EML1: variants seen among roughly 807,000 people sequenced by gnomAD.
EML1 encodes EMAP like 1, also known as echinoderm microtubule-associated protein-like 1.
Under a neutral mutation model 110.4 loss-of-function variants are expected in EML1, and 27 were observed. The observed-to-expected ratio is 0.24, with a 90% confidence interval of 0.18 to 0.34. The LOEUF (loss-of-function observed/expected upper bound fraction) is 0.34, where lower values mean the gene tolerates loss of function less well. Among genes scored for constraint, EML1 ranks in the 10% least tolerant of loss-of-function variants. The pLI is 1.00. For synonymous variants in EML1, 344 were observed against 385.8 expected, an observed-to-expected ratio of 0.89 and a Z score of 1.27; for missense variants, 741 against 1,030.9, an observed-to-expected ratio of 0.72 and a Z score of 3.85.
intron 8 of EML1, 40 bp from the exon 9 acceptor site, chr14:99,900,889 A>G: frequency 6.6e-7 from 1 of 1,526,682 alleles, no homozygotes; most frequent in Non-Finnish European, 9.1e-7. Flanking sequence ...CATGTGTATC[A>G]CCATCACAAT....
intron 3 of EML1, among the ~76,000 whole-genome samples, chr14:99,876,971 G>T (rs905144770): frequency 1.3e-5 from 2 of 152,202 alleles, no homozygotes; most frequent in African/African-American, 4.8e-5. Flanking sequence ...TAATGATGTA[G>T]ATTTTTAAGT....
At chr14:99,915,366 C>T in intron 15 of EML1, 1 of 144,902 alleles carries the variant, frequency 6.9e-6, no homozygotes, top group East Asian at 2.0e-4. Flanking sequence ...GAGCCAAGAT[C>T]ACGCCATTGC....
intron 1 of EML1, among the ~76,000 whole-genome samples, chr14:99,786,146 AC>A (rs1254856836): frequency 6.6e-6 from 1 of 151,886 alleles, no homozygotes; most frequent in Non-Finnish European, 1.5e-5. Flanking sequence ...GGGAGATGCC[AC>A]CCAGGTGAAA....
At chr14:99,848,839 T>A (rs1951571) in intron 1 of EML1, among the ~76,000 whole-genome samples, 11 of 151,758 alleles carry the variant, frequency 7.2e-5, no homozygotes, top group Non-Finnish European at 5.9e-5. Context: ...GGGGTGCGCC[T>A]GTAGTCCCAG....
chr14:99,739,960 C>T (rs1320338201), intron 1 of EML1, among the ~76,000 whole-genome samples: 7 of 152,198 alleles, frequency 4.6e-5, no homozygotes, highest in Non-Finnish European at 1.0e-4. Flanking sequence ...GCCTCAGTTT[C>T]CCCATCCATT....
intron 5 of EML1, among the ~76,000 whole-genome samples, chr14:99,893,632 C>T (rs1193170007): frequency 6.6e-6 from 1 of 152,206 alleles, no homozygotes; most frequent in Non-Finnish European, 1.5e-5. Context: ...CTAACTTGTA[C>T]TATAATTATT....
upstream of EML1, among the ~76,000 whole-genome samples, chr14:99,770,778 G>GCTTTTTTTTTTTTTTTTTTTTT (rs1198007774): frequency 1.3e-5 from 1 of 79,544 alleles, no homozygotes; most frequent in Non-Finnish European, 2.5e-5. Context: ...AGTTTCCGCT[G>GCTTTTTTTTTTTTTTTTTTTTT]ATTTTTTTTT....
rs139811250 is a variant in EML1 at position 99,799,958 on chromosome 14, C to T, written c.67+6415C>T. Among the ~76,000 whole-genome samples the T allele has an allele frequency of 5.6e-3, 857 of 152,320 alleles. 8 individuals carry two copies. The highest frequency in any genetic ancestry group is 0.019 in the African/African-American group (807 of 41,572). On this transcript the variant is annotated intron_variant, in intron 1 of 21. Coordinates refer to ENST00000262233, the MANE Select transcript of EML1 (RefSeq NM_004434.3). ...CTCTCCAAGGACTTAAAATCAGTGG[C>T]ATTTTGTACTCCTTACAAAAATTTC...
chr14:99,923,391 G>C (rs1168150164), intron 17 of EML1, among the ~76,000 whole-genome samples: 1 of 152,148 alleles, frequency 6.6e-6, no homozygotes, highest in Non-Finnish European at 1.5e-5. Flanking sequence ...TAGAAGAGTT[G>C]TTTTAGCCCT....
chr14:99,925,026 A>G (rs1171669984), intron 17 of EML1, among the ~76,000 whole-genome samples: 2 of 152,118 alleles, frequency 1.3e-5, no homozygotes, highest in Admixed American at 1.3e-4. Context: ...ATATTGGTGT[A>G]TAGTTTTCTT....
At chr14:99,779,553 C>T (rs546140372) in intron 1 of EML1, among the ~76,000 whole-genome samples, 2 of 152,190 alleles carry the variant, frequency 1.3e-5, no homozygotes, top group South Asian at 4.2e-4. Flanking sequence ...ACCTGCAAGT[C>T]CTGAGACTAC....
chr14:99,919,211 G>GT (rs1365133517), intron 16 of EML1, among the ~76,000 whole-genome samples: 2 of 152,024 alleles, frequency 1.3e-5, no homozygotes, highest in East Asian at 1.9e-4. Context: ...ATTTACTGTG[G>GT]TTTCAGTCAA....
intron 3 of EML1, among the ~76,000 whole-genome samples, chr14:99,871,888 G>T (rs1169017448): frequency 6.6e-6 from 1 of 152,194 alleles, no homozygotes; most frequent in South Asian, 2.1e-4. Flanking sequence ...TGGCAGGGTC[G>T]TGTGGCTGGA....
intron 10 of EML1, 31 bp downstream of exon 10, chr14:99,907,764 T>A: frequency 6.8e-6 from 11 of 1,609,578 alleles, no homozygotes; most frequent in Non-Finnish European, 9.4e-6. Flanking sequence ...TGGGCTGCAT[T>A]AACATTTTCC....
chr14:99,806,460 G>A (rs1384161203), intron 1 of EML1, among the ~76,000 whole-genome samples: 1 of 151,828 alleles, frequency 6.6e-6, no homozygotes, highest in African/African-American at 2.4e-5. Context: ...GGGATTACAG[G>A]CATGCTCCAC....
At chr14:99,742,725 C>T (rs536039379) in intron 1 of EML1, among the ~76,000 whole-genome samples, 8 of 152,190 alleles carry the variant, frequency 5.3e-5, no homozygotes, top group Admixed American at 3.3e-4. Flanking sequence ...GGGTAAGATC[C>T]GAGCCCCATG....
intron 17 of EML1, among the ~76,000 whole-genome samples, chr14:99,933,185 C>CT (rs1372351377): frequency 2.6e-5 from 4 of 152,012 alleles, no homozygotes; most frequent in Admixed American, 1.3e-4. Context: ...TCAGGTAGTT[C>CT]TTTTTTTTGA....
rs141025643 is a variant in EML1 at position 99,746,914 on chromosome 14, C to T, written c.28+9054C>T. ...GTGCTCTGGTTTGTTGAGCATCTGC[C>T]GCGCCCTGCCCTGGGCGGCTCCTCC... On this transcript the variant is annotated intron_variant, in intron 1 of 10. Coordinates refer to the EML1 transcript ENST00000554479. Among the ~76,000 whole-genome samples, 443 of 152,244 alleles carry T rather than the reference C, an allele frequency of 2.9e-3. 3 individuals are homozygous for T. Among genetic ancestry groups the T allele is most frequent in the Non-Finnish European group, 5.1e-3 (349 of 68,016 alleles).
At chr14:99,772,062 G>T (rs2057433272), upstream of EML1, among the ~76,000 whole-genome samples, 1 of 152,154 alleles carries the variant, frequency 6.6e-6, no homozygotes, top group South Asian at 2.1e-4. Flanking sequence ...GCATTTTTCT[G>T]GCTCTTTGTG....
Sources: gnomAD v4.1 joint callset for allele counts (sites outside exome capture counted in the v4.1 genomes callset) on GRCh38, gnomAD v4.1.1 for gene constraint, MANE v1.5 for transcripts, NCBI Gene and HGNC (gene_info 2026-07-23, HGNC 2026-07-21) for gene names.